The following CCNY variants were observed in gnomAD, a reference collection of about 807,000 sequenced individuals.
CCNY encodes cyclin-Y.
CCNY carries 19 observed loss-of-function variants against 42.8 expected under a neutral mutation model. That is an observed-to-expected ratio of 0.44 (90% confidence interval 0.31 to 0.65). The LOEUF is 0.65. CCNY is among the 30% of genes least tolerant of loss of function. CCNY has a pLI of 0.07. For missense variants in CCNY, 370 were observed against 437.3 expected (o/e 0.85, Z 1.37); for synonymous variants, 165 against 162.7 (o/e 1.01, Z -0.11).
chr10:35,550,872 G>A lies in CCNY; in HGVS notation c.580-2147G>A, dbSNP rs375106924. Among the ~76,000 whole-genome samples, 25 of 152,056 alleles carry A rather than the reference G, an allele frequency of 1.6e-4. No homozygotes were observed. In the East Asian group the frequency reaches 2.5e-3, roughly 15 times the overall value. ...AGCCCCTCCTTTTCTTAGTTCTTAAGCCTCCCCCAGGTCCCTTGCCCCTGG... is the reference window on the plus strand; with the variant it reads ...AGCCCCTCCTTTTCTTAGTTCTTAAACCTCCCCCAGGTCCCTTGCCCCTGG... On this transcript the variant is annotated intron_variant, in intron 7 of 9. Coordinates refer to ENST00000374704, the MANE Select transcript of CCNY (RefSeq NM_145012.6).
chr10:35,566,863 G>A (rs563805834), intron 9 of CCNY, among the ~76,000 whole-genome samples: 48 of 151,212 alleles, frequency 3.2e-4, no homozygotes, highest in African/African-American at 8.7e-4. Context: ...GCACCACCAC[G>A]CCCAGCTAAT....
At chr10:35,393,752 T>G (rs1434055708) in intron 1 of CCNY, among the ~76,000 whole-genome samples, 4 of 152,104 alleles carry the variant, frequency 2.6e-5, no homozygotes, top group Non-Finnish European at 5.9e-5. Context: ...TGGATGAGTA[T>G]CATCAGGAGG....
Position 35,336,986 on chromosome 10 carries a change from T to TCCACCCGCGCCCCGCTC in CCNY, c.-65_-49dup. 18 of 1,234,756 alleles carry TCCACCCGCGCCCCGCTC rather than the reference T, an allele frequency of 1.5e-5. No individual in the cohort carries two copies. The highest frequency in any genetic ancestry group is 1.9e-5 in the Non-Finnish European group (18 of 966,448). 76.5% of individuals were successfully genotyped at this position (1,234,756 alleles called of 1,614,324 possible). ...ACGCCCCCGCCGCCCGCGCCCCGCG[T>TCCACCCGCGCCCCGCTC]CCACCCGCGCCCCGCTCCCGGGGAC... On this transcript the variant is annotated 5_prime_UTR_variant, in exon 1 of 10. Transcript: ENST00000374704.
Position 35,385,658 on chromosome 10 carries a change from C to T in CCNY, c.154+48451C>T, listed in dbSNP as rs1190354016. ...CAATACCTGATATTTCTTTAAAACA[C>T]GTGAAATTGAGTTTCACTGTAATCT... is the stretch of plus-strand genomic sequence containing the variant. On this transcript the variant is annotated intron_variant, in intron 1 of 9. Transcript: ENST00000374704. Among the ~76,000 whole-genome samples, 4 of 152,120 alleles carry T rather than the reference C, an allele frequency of 2.6e-5. No homozygotes were observed. The East Asian group carries it at 5.8e-4, about 22-fold the overall frequency.
At chr10:35,473,883 A>G (rs1839443145) in intron 1 of CCNY, among the ~76,000 whole-genome samples, 1 of 152,084 alleles carries the variant, frequency 6.6e-6, no homozygotes. Context: ...CATCTGAGGT[A>G]CCGGGTTCAT....
intron 3 of CCNY, among the ~76,000 whole-genome samples, chr10:35,264,127 C>T (rs183768065): frequency 6.6e-6 from 1 of 152,158 alleles, no homozygotes; most frequent in Non-Finnish European, 1.5e-5. Context: ...TGTGAATAGT[C>T]CTGTAGTGAA....
intron 8 of CCNY, among the ~76,000 whole-genome samples, chr10:35,555,733 TG>T (rs1841350188): frequency 6.6e-6 from 1 of 152,216 alleles, no homozygotes; most frequent in Admixed American, 6.5e-5. Context: ...AACTGTTTTT[TG>T]TAAGTCAACT....
At chr10:35,403,245 A>G (rs1239726787) in intron 1 of CCNY, among the ~76,000 whole-genome samples, 1 of 152,194 alleles carries the variant, frequency 6.6e-6, no homozygotes, top group Non-Finnish European at 1.5e-5. Flanking sequence ...AGAGGTTCTA[A>G]GAGACGGGCT....
At chr10:35,391,246 A>G (rs994206430) in intron 1 of CCNY, among the ~76,000 whole-genome samples, 4 of 152,148 alleles carry the variant, frequency 2.6e-5, no homozygotes, top group South Asian at 2.1e-4. Flanking sequence ...TTGTTCCCCT[A>G]TTGGCTAGGG....
At chr10:35,330,285 C>T (rs1416497709) in intron 3 of CCNY, among the ~76,000 whole-genome samples, 2 of 152,222 alleles carry the variant, frequency 1.3e-5, no homozygotes, top group Non-Finnish European at 2.9e-5. Context: ...AGTAATGCAT[C>T]TGACAATCCT....
chr10:35,364,411 C>G (rs1836766229), intron 1 of CCNY, among the ~76,000 whole-genome samples: 1 of 152,116 alleles, frequency 6.6e-6, no homozygotes, highest in African/African-American at 2.4e-5. Flanking sequence ...TTTGTCCCAC[C>G]TGTCATTAGA....
chr10:35,552,664 C>CA (rs1031123713), intron 7 of CCNY, among the ~76,000 whole-genome samples: 76 of 150,988 alleles, frequency 5.0e-4, no homozygotes, highest in South Asian at 1.7e-3. Context: ...ACCCTACAAA[C>CA]AAAAAAAAAG....
intron 3 of CCNY, among the ~76,000 whole-genome samples, chr10:35,330,870 C>T (rs940973925): frequency 2.0e-5 from 3 of 152,084 alleles, no homozygotes; most frequent in Non-Finnish European, 4.4e-5. Flanking sequence ...AGTTCTCCCT[C>T]CTCAGCCTCC....
chr10:35,418,554 T>G (rs1399661440), intron 1 of CCNY, among the ~76,000 whole-genome samples: 9 of 152,170 alleles, frequency 5.9e-5, no homozygotes, highest in Non-Finnish European at 1.3e-4. Flanking sequence ...TCAGGTGGTG[T>G]GGTCGTGGTG....
intron 2 of CCNY, among the ~76,000 whole-genome samples, chr10:35,499,942 A>G (rs557673983): frequency 2.0e-5 from 3 of 152,344 alleles, no homozygotes; most frequent in South Asian, 2.1e-4. Context: ...CACGCTCTAT[A>G]TATGTATGTA....
chr10:35,327,156 T>C (rs903018538), intron 3 of CCNY, among the ~76,000 whole-genome samples: 2 of 152,074 alleles, frequency 1.3e-5, no homozygotes, highest in African/African-American at 4.8e-5. Flanking sequence ...AAGATAAATA[T>C]TTAAAGTAAA....
At chr10:35,300,996 C>T (rs1018985743) in intron 3 of CCNY, among the ~76,000 whole-genome samples, 4 of 152,106 alleles carry the variant, frequency 2.6e-5, no homozygotes, top group East Asian at 1.9e-4. Flanking sequence ...TTAGTAGAGA[C>T]GAGGTTTCAC....
At position 35,569,130 on chromosome 10, in the gene CCNY, A is replaced by C. The variant is rs1455847774; in HGVS notation, c.986A>C (p.Asn329Thr). ...SARKRSASADNLTLPRWSPAI... is the reference protein window; with the variant it reads ...SARKRSASADTLTLPRWSPAI... ...AGGAAGCGCTCAGCCAGTGCAGACA[A>C]CCTGACTCTGCCCCGGTGGTCCCCA... The change falls in exon 10 of 10, where the codon AAC (asparagine) becomes ACC (threonine). Residue 329 changes from asparagine (N) to threonine (T), a missense_variant. By Grantham distance (65) the Asn-to-Thr change is moderately conservative. Around this residue, in one of 2 missense-constraint regions of CCNY, gnomAD observed 234 missense variants for 313.1 expected, o/e 0.75. Transcript: ENST00000374704. 1.2e-6 allele frequency: 2 copies of C among 1,612,392 alleles called. No homozygotes were observed. Among genetic ancestry groups the C allele is most frequent in the Non-Finnish European group, 1.7e-6 (2 of 1,179,802 alleles).
chr10:35,337,210 G>C lies in CCNY; in HGVS notation c.154+3G>C. The C allele has an allele frequency of 6.5e-7, 1 of 1,534,258 alleles. No homozygotes were observed. Among genetic ancestry groups the C allele is most frequent in the Non-Finnish European group, 8.8e-7 (1 of 1,139,380 alleles). On this transcript the variant is annotated splice_donor_region_variant and intron_variant, in intron 1 of 9. Transcript: ENST00000374704. ...CAGCGACCGGGAGAACATAGACGGT[G>C]AGTGCGGCCCGCCGAGCCCCCTACC...
Sources: allele counts gnomAD v4.1 joint callset (sites outside exome capture counted in the v4.1 genomes callset), GRCh38; gene constraint gnomAD v4.1.1; regional missense constraint gnomAD v4.1.1; transcripts MANE v1.5; gene names NCBI Gene and HGNC (gene_info 2026-07-23, HGNC 2026-07-21).